NANOS3: variants seen among roughly 807,000 people sequenced by gnomAD.
The protein encoded by NANOS3 is nanos C2HC-type zinc finger 3, also known as nanos homolog 3.
In NANOS3, 11 loss-of-function variants were observed where a neutral mutation model predicts 13.8. That is an observed-to-expected ratio of 0.80 (90% CI 0.50 to 1.32). The LOEUF (loss-of-function observed/expected upper bound fraction) is 1.32. NANOS3 is among the 40% of genes most tolerant of loss of function. NANOS3 has a pLI of 0.00. For missense variants in NANOS3, 221 were observed against 263.8 expected, an observed-to-expected ratio of 0.84 and a Z score of 1.12; for synonymous variants, 119 against 115.4, an observed-to-expected ratio of 1.03 and a Z score of -0.20.
At chr19:13,866,200 A>C (rs1040653351) in intron 1 of NANOS3, among the ~76,000 whole-genome samples, 1 of 151,996 alleles carries the variant, frequency 6.6e-6, no homozygotes, top group Non-Finnish European at 1.5e-5. Context: ...CCCGAATCCC[A>C]CTGCCGGGGA....
upstream of NANOS3, among the ~76,000 whole-genome samples, chr19:13,877,010 C>T (rs1373097270): frequency 6.6e-6 from 1 of 152,140 alleles, no homozygotes; most frequent in African/African-American, 2.4e-5. Flanking sequence ...GCCATACAGC[C>T]CTTTAGGAGG....
At chr19:13,863,878 G>A (rs1454076116), upstream of NANOS3, among the ~76,000 whole-genome samples, 1 of 152,060 alleles carries the variant, frequency 6.6e-6, no homozygotes, top group Non-Finnish European at 1.5e-5. Flanking sequence ...AACTGAGGCA[G>A]GACTGTGGTG....
At chr19:13,865,941 C>T (rs914141012) in intron 1 of NANOS3, among the ~76,000 whole-genome samples, 11 of 151,892 alleles carry the variant, frequency 7.2e-5, no homozygotes, top group Non-Finnish European at 1.5e-4. Context: ...CGCGCGCGTT[C>T]GTGAAGGCTG....
At chr19:13,871,308 A>C (rs1976324158) in intron 1 of NANOS3, among the ~76,000 whole-genome samples, 1 of 152,152 alleles carries the variant, frequency 6.6e-6, no homozygotes, top group African/African-American at 2.4e-5. Flanking sequence ...GATGGAGAAC[A>C]GATGTGTGAG....
intron 1 of NANOS3, among the ~76,000 whole-genome samples, chr19:13,869,854 C>T (rs56236335): frequency 1.1e-4 from 16 of 152,020 alleles, no homozygotes; most frequent in Middle Eastern, 3.4e-3. Context: ...GGTACTCATG[C>T]GTGAACATAC....
intron 1 of NANOS3, among the ~76,000 whole-genome samples, chr19:13,878,384 G>A (rs997399749): frequency 4.8e-5 from 7 of 145,960 alleles, no homozygotes; most frequent in African/African-American, 1.5e-4. Context: ...GATTACAGGC[G>A]CCTGCCACCA....
intron 1 of NANOS3, among the ~76,000 whole-genome samples, chr19:13,866,180 G>T (rs1402854422): frequency 6.6e-6 from 1 of 152,296 alleles, no homozygotes; most frequent in Non-Finnish European, 1.5e-5. Context: ...CCATAAAAAG[G>T]GAAAATGGCC....
chr19:13,871,034 A>AC (rs1976320129), intron 1 of NANOS3, among the ~76,000 whole-genome samples: 1 of 151,418 alleles, frequency 6.6e-6, no homozygotes, highest in South Asian at 2.1e-4. Flanking sequence ...AGACACCCCT[A>AC]CCCCCCATGC....
At chr19:13,869,269 C>T (rs914880224) in intron 1 of NANOS3, among the ~76,000 whole-genome samples, 1 of 152,190 alleles carries the variant, frequency 6.6e-6, no homozygotes, top group East Asian at 1.9e-4. Context: ...CTGCCTCGGC[C>T]TCCCAAAGCG....
upstream of NANOS3, among the ~76,000 whole-genome samples, chr19:13,873,803 C>G (rs1968446383): frequency 6.6e-6 from 1 of 152,050 alleles, no homozygotes; most frequent in South Asian, 2.1e-4. Flanking sequence ...CGTCCGCAGA[C>G]CCAGGTCAGG....
upstream of NANOS3, among the ~76,000 whole-genome samples, chr19:13,862,473 G>C (rs916013672): frequency 6.6e-6 from 1 of 152,298 alleles, no homozygotes; most frequent in East Asian, 1.9e-4. Context: ...ACAGCTGGCC[G>C]GTCCTGGAGA....
Position 13,880,533 on chromosome 19 carries a change from C to A in NANOS3, c.*30C>A. The A allele has an allele frequency of 3.1e-6, 5 of 1,606,278 alleles. No individual in the cohort carries two copies. The highest frequency in any genetic ancestry group is 1.7e-4 in the Middle Eastern group (1 of 6,032). On this transcript the variant is annotated 3_prime_UTR_variant, in exon 2 of 2. Coordinates refer to ENST00000339133, the MANE Select transcript of NANOS3 (RefSeq NM_001098622.3). ...CTGCCTACACCTGGGCAAGGGCACC[C>A]GGGCTCGGCTGGATTTCCAGGAAGA...
chr19:13,865,461 C>T (rs1447998031), intron 1 of NANOS3: 1 of 144,206 alleles, frequency 6.9e-6, no homozygotes, highest in Non-Finnish European at 1.5e-5. Context: ...CCGGGCGGGC[C>T]GGGGGCACGG....
chr19:13,874,131 C>T (rs555085683), upstream of NANOS3, among the ~76,000 whole-genome samples: 106 of 152,318 alleles, frequency 7.0e-4, no homozygotes, highest in Non-Finnish European at 1.1e-3. Context: ...TGCCTCTCCC[C>T]TGTCTAGTGG....
In NANOS3 at chr19:13,877,135, G is replaced by A. The variant is rs747118994; in HGVS notation, c.-114G>A. 2.8e-5 allele frequency: 25 copies of A among 908,152 alleles called. No homozygotes were observed. The highest frequency in any genetic ancestry group is 3.9e-5 in the Non-Finnish European group (23 of 587,848). 56.3% of individuals were successfully genotyped at this position (908,152 alleles called of 1,614,324 possible). A position where few individuals can be genotyped will look rare whatever the true frequency, so the allele number is the denominator to read the frequency against. The stretch of plus-strand genomic sequence containing the variant: ...GAGGGTCGGCCAGCACAGACTCCCA[G>A]GCTCCAGAGAGGGGAAGGAAGGGGC... On this transcript the variant is annotated 5_prime_UTR_variant, in exon 1 of 2. Coordinates refer to ENST00000339133, the MANE Select transcript of NANOS3 (RefSeq NM_001098622.3).
At chr19:13,879,983 G>C (rs566894189) in intron 1 of NANOS3, among the ~76,000 whole-genome samples, 23 of 152,288 alleles carry the variant, frequency 1.5e-4, no homozygotes, top group African/African-American at 5.3e-4. Context: ...CTGAGGTCAC[G>C]TCACTGCACT....
chr19:13,868,222 C>T (rs765239954), intron 1 of NANOS3, among the ~76,000 whole-genome samples: 2 of 151,808 alleles, frequency 1.3e-5, no homozygotes, highest in African/African-American at 2.4e-5. Context: ...CCATGCCTGG[C>T]TAATTTTTGT....
chr19:13,868,162 G>A (rs894785210), intron 1 of NANOS3, among the ~76,000 whole-genome samples: 1 of 151,710 alleles, frequency 6.6e-6, no homozygotes, highest in Admixed American at 6.6e-5. Flanking sequence ...AGGTTCAAGC[G>A]ATTCTCCTGC....
chr19:13,874,140 G>T (rs1968458433), upstream of NANOS3, among the ~76,000 whole-genome samples: 1 of 152,132 alleles, frequency 6.6e-6, no homozygotes, highest in Non-Finnish European at 1.5e-5. Context: ...CCTGTCTAGT[G>T]GGGCCCCAGT....
Sources: gnomAD v4.1 joint callset for allele counts (sites outside exome capture counted in the v4.1 genomes callset) on GRCh38, gnomAD v4.1.1 for gene constraint, MANE v1.5 for transcripts, NCBI Gene and HGNC (gene_info 2026-07-23, HGNC 2026-07-21) for gene names.